PAX6: variants seen among roughly 807,000 people sequenced by gnomAD.
PAX6 encodes the protein paired box 6.
Under a neutral mutation model 60.7 loss-of-function variants are expected in PAX6, and 7 were observed. The observed-to-expected ratio is 0.12, with a 90% CI of 0.07 to 0.22. The LOEUF is 0.22. PAX6 is among the 10% of genes least tolerant of loss of function. The pLI, the probability that PAX6 is intolerant of heterozygous loss-of-function variation, is 1.00. For missense variants in PAX6, 355 were observed against 555.2 expected, an observed-to-expected ratio of 0.64 and a Z score of 3.62; for synonymous variants, 208 against 201.2, an observed-to-expected ratio of 1.03 and a Z score of -0.29.
chr11:31,800,997 G>A (rs1363165426), intron 7 of PAX6, 141 bp from the exon 8 acceptor site: 2 of 892,346 alleles, frequency 2.2e-6, no homozygotes, highest in African/African-American at 3.3e-5. Context: ...GGGTGGATTT[G>A]CAGATACACC....
intron 9 of PAX6, 81 bp downstream of exon 9, chr11:31,794,549 C>T: frequency 1.4e-6 from 2 of 1,421,522 alleles, no homozygotes; most frequent in South Asian, 2.3e-5. Flanking sequence ...GCAAAGGGCC[C>T]TGGCTAAATT....
At chr11:31,816,327 G>A (rs1418565932) in intron 1 of PAX6, 2 of 535,488 alleles carry the variant, frequency 3.7e-6, no homozygotes, top group African/African-American at 1.9e-5. Flanking sequence ...AGGAAAAAAA[G>A]ACAAGCCTAT....
chr11:31,817,507 A>T (rs1957434693), intron 1 of PAX6, among the ~76,000 whole-genome samples: 1 of 152,250 alleles, frequency 6.6e-6, no homozygotes, highest in South Asian at 2.1e-4. Context: ...TTTAGCAGAC[A>T]GCAGCAGCAG....
intron 8 of PAX6, among the ~76,000 whole-genome samples, chr11:31,795,883 A>G (rs2134714662): frequency 6.6e-6 from 1 of 152,350 alleles, no homozygotes; most frequent in African/African-American, 2.4e-5. Flanking sequence ...ATGACCCCCA[A>G]GGGATACCAG....
chr11:31,817,026 C>T lies in PAX6; in HGVS notation c.-317+783G>A, dbSNP rs192538689. ...GGACACTTCCGGGCCCCGGCTCTGG[C>T]CCTCCAAGGGCCGCAGGGTGGTGGG... is the stretch of plus-strand genomic sequence containing the variant. On this transcript the variant is annotated intron_variant, in intron 1 of 12. Coordinates refer to the PAX6 transcript ENST00000241001. Among the ~76,000 whole-genome samples, 1,110 of 152,368 alleles carry T rather than the reference C, an allele frequency of 7.3e-3. 16 individuals are homozygous for T. Among genetic ancestry groups the T allele is most frequent in the African/African-American group, 0.025 (1,034 of 41,596 alleles).
chr11:31,807,240 G>C (rs972628244), intron 2 of PAX6: 2 of 152,500 alleles, frequency 1.3e-5, no homozygotes, highest in African/African-American at 4.8e-5. Context: ...GTGGAGTAAG[G>C]AGTAGAGGCC....
At chr11:31,793,223 A>G in intron 12 of PAX6, 1 of 692,372 alleles carries the variant, frequency 1.4e-6, no homozygotes, top group Non-Finnish European at 2.6e-6. Context: ...AAAACTGGAC[A>G]GATTTTTATT....
intron 7 of PAX6, chr11:31,801,353 A>G: frequency 6.8e-7 from 1 of 1,465,456 alleles, no homozygotes. Flanking sequence ...AAATGAAGTG[A>G]ATGACTCCCC....
intron 12 of PAX6, 87 bp downstream of exon 12, chr11:31,793,351 G>C (rs1304802145): frequency 4.5e-6 from 5 of 1,114,424 alleles, no homozygotes; most frequent in Non-Finnish European, 6.9e-6. Flanking sequence ...CAAGGGTGCA[G>C]ACACAGCCAA....
At chr11:31,805,507 T>A (rs1365302749) in intron 4 of PAX6, 6 of 152,564 alleles carry the variant, frequency 3.9e-5, no homozygotes, top group Non-Finnish European at 8.8e-5. Context: ...CCCGGGCCTT[T>A]CCACACTTTG....
intron 8 of PAX6, 125 bp downstream of exon 8, chr11:31,800,566 A>G: frequency 1.7e-6 from 2 of 1,181,986 alleles, no homozygotes; most frequent in South Asian, 2.4e-5. Context: ...CCAGGCCTTC[A>G]AATGCAGTCT....
At chr11:31,794,201 C>T (rs970911365) in intron 9 of PAX6, 87 bp from the exon 10 acceptor site, 5 of 875,992 alleles carry the variant, frequency 5.7e-6, no homozygotes, top group Non-Finnish European at 9.9e-6. Flanking sequence ...TTCCCACCTC[C>T]CCACTCCCAT....
chr11:31,791,493 A>T (rs3026391), intron 12 of PAX6: 1 of 159,570 alleles, frequency 6.3e-6, no homozygotes, highest in Non-Finnish European at 1.4e-5. Context: ...TTATAACTAG[A>T]AAACTGTTGC....
intron 3 of PAX6, 50 bp from the exon 4 acceptor site, chr11:31,806,512 GCCTGAACT>G: frequency 6.9e-7 from 1 of 1,452,674 alleles, no homozygotes; most frequent in Non-Finnish European, 9.5e-7. Flanking sequence ...CATCAGGTAG[GCCTGAACT>G]CCCAACCGAG....
chr11:31,801,536 G>C, intron 7 of PAX6, 25 bp downstream of exon 7: 1 of 1,613,996 alleles, frequency 6.2e-7, no homozygotes, highest in Non-Finnish European at 8.5e-7. Flanking sequence ...AGGGCAGGGA[G>C]GGCAGATGTT....
chr11:31,802,739 C>G lies in PAX6; in HGVS notation c.106G>C (p.Gly36Arg). 6.2e-7 allele frequency: 1 copy of G among 1,613,898 alleles called. No homozygotes were observed. Among genetic ancestry groups the G allele is most frequent in the Non-Finnish European group, 8.5e-7 (1 of 1,179,946 alleles). ...RQKIVELAHS[G>R]ARPCDISRIL... is the part of the protein sequence containing the mutation. ...CGGGAAATGTCGCACGGCCGGGCCCCGCTGTGAGCTAGCTCTACAATCTTC... is the reference window on the plus strand; with the variant it reads ...CGGGAAATGTCGCACGGCCGGGCCCGGCTGTGAGCTAGCTCTACAATCTTC... The change falls in exon 5 of 14, where the codon GGG becomes CGG. Residue 36 changes from glycine (G) to arginine (R), a missense_variant. Gly to Arg is a moderately radical substitution (Grantham distance 125, BLOSUM62 -2). This residue lies in a region of PAX6 where 41 missense variants were observed against 77.1 expected (regional missense o/e 0.53). Coordinates refer to ENST00000640368, the MANE Select transcript of PAX6 (RefSeq NM_001368894.2).
chr11:31,801,537 G>T (rs537870766), intron 7 of PAX6, 24 bp downstream of exon 7: 2 of 1,613,852 alleles, frequency 1.2e-6, no homozygotes, highest in African/African-American at 2.7e-5. Flanking sequence ...GGGCAGGGAG[G>T]GCAGATGTTC....
chr11:31,800,589 T>C, intron 8 of PAX6, 102 bp downstream of exon 8: 2 of 1,372,126 alleles, frequency 1.5e-6, no homozygotes, highest in Non-Finnish European at 2.1e-6. Context: ...CCCATGACAT[T>C]CCCCAAGCAT....
upstream of PAX6, among the ~76,000 whole-genome samples, chr11:31,815,445 G>T (rs1957334082): frequency 6.6e-6 from 1 of 152,040 alleles, no homozygotes; most frequent in Non-Finnish European, 1.5e-5. Flanking sequence ...CCAACGACCC[G>T]GTCCTGCGAT....
Sources: allele counts gnomAD v4.1 joint callset (sites outside exome capture counted in the v4.1 genomes callset), GRCh38; gene constraint gnomAD v4.1.1; regional missense constraint gnomAD v4.1.1; transcripts MANE v1.5; gene names NCBI Gene and HGNC (gene_info 2026-07-23, HGNC 2026-07-21).